WDR70: variants seen among roughly 807,000 people sequenced by gnomAD.
WDR70 encodes the protein WD repeat-containing protein 70.
Under a neutral mutation model 88.6 loss-of-function variants are expected in WDR70, and 53 were observed. The ratio of observed to expected loss-of-function variants is 0.60; its 90% CI spans 0.48 to 0.75. The LOEUF (loss-of-function observed/expected upper bound fraction) is 0.75. WDR70 is among the 30% of genes least tolerant of loss of function. The probability of loss-of-function intolerance (pLI) is 0.00; values close to 1 mark genes in which losing one functional copy is unlikely to be tolerated. For missense variants in WDR70, 610 were observed against 823.2 expected (o/e 0.74, Z 3.17); for synonymous variants, 280 against 270.0 (o/e 1.04, Z -0.36).
intron 9 of WDR70, among the ~76,000 whole-genome samples, chr5:37,537,915 G>A (rs1741710846): frequency 6.6e-6 from 1 of 152,156 alleles, no homozygotes; most frequent in Non-Finnish European, 1.5e-5. Context: ...ATACTGTAAA[G>A]TTTTGGATTA....
In WDR70 at chr5:37,516,725, A is replaced by ATTT. The variant is rs71904509; in HGVS notation, c.917+147_917+149dup. On this transcript the variant is annotated intron_variant, in intron 9 of 17. Transcript: ENST00000265107. ...TCTTATTATATACATATATATATATATTTTTTTTTTTTTTAAGGGGGAGTC... is the reference window on the plus strand; with the variant it reads ...TCTTATTATATACATATATATATATATTTTTTTTTTTTTTTTTAAGGGGGAGTC... The ATTT allele has an allele frequency of 6.1e-3, 786 of 127,984 alleles. 5 individuals carry two copies. The highest frequency in any genetic ancestry group is 0.017 in the South Asian group (62 of 3,728). The allele number at this position is 127,984 out of a possible 1,614,324, so 7.9% of individuals were successfully genotyped here.
At chr5:37,609,620 A>T (rs1038957102) in intron 10 of WDR70, among the ~76,000 whole-genome samples, 1 of 152,228 alleles carries the variant, frequency 6.6e-6, no homozygotes, top group Admixed American at 6.5e-5. Context: ...CACCACTAGC[A>T]ACTTGACCCC....
intron 10 of WDR70, among the ~76,000 whole-genome samples, chr5:37,677,675 T>C (rs1746276749): frequency 7.8e-6 from 1 of 128,752 alleles, no homozygotes; most frequent in South Asian, 2.7e-4. Flanking sequence ...AATTTTGGAA[T>C]AGGTGTGGGG....
chr5:37,384,071 G>A (rs563032261), intron 3 of WDR70, among the ~76,000 whole-genome samples: 2 of 151,528 alleles, frequency 1.3e-5, no homozygotes, highest in Non-Finnish European at 2.9e-5. Flanking sequence ...ACCTTAAAAC[G>A]ATAAGGATTG....
At chr5:37,611,278 AT>A (rs932359140) in intron 10 of WDR70, among the ~76,000 whole-genome samples, 200 of 148,576 alleles carry the variant, frequency 1.3e-3, no homozygotes, top group African/African-American at 3.8e-3. Context: ...TTCTGTAGTG[AT>A]TTTTTTTTTA....
At chr5:37,587,816 A>G (rs61515510) in intron 9 of WDR70, among the ~76,000 whole-genome samples, 1,486 of 137,274 alleles carry the variant, frequency 0.011, 30 homozygotes, top group African/African-American at 0.039. Context: ...GTCTCACTCT[A>G]TCGCCCAGGC....
chr5:37,605,445 A>C (rs1251355802), intron 10 of WDR70, among the ~76,000 whole-genome samples: 1 of 152,200 alleles, frequency 6.6e-6, no homozygotes, highest in African/African-American at 2.4e-5. Flanking sequence ...ATTTTTCAGT[A>C]CATATTATAT....
intron 8 of WDR70, among the ~76,000 whole-genome samples, chr5:37,486,975 C>T (rs945590168): frequency 2.0e-5 from 3 of 151,998 alleles, no homozygotes; most frequent in African/African-American, 4.8e-5. Flanking sequence ...GAAAGGAATC[C>T]GATTGGTTCT....
intron 9 of WDR70, among the ~76,000 whole-genome samples, chr5:37,573,042 CT>C (rs1160740002): frequency 6.6e-6 from 1 of 152,170 alleles, no homozygotes; most frequent in Non-Finnish European, 1.5e-5. Context: ...TTCTGACAAA[CT>C]TTACTCCCTC....
At chr5:37,467,728 TA>T (rs1326764214) in intron 7 of WDR70, among the ~76,000 whole-genome samples, 11 of 150,492 alleles carry the variant, frequency 7.3e-5, no homozygotes, top group Admixed American at 2.7e-4. Context: ...TATTTTATTT[TA>T]TTTTTTTTAG....
chr5:37,533,942 G>A (rs950053030), intron 9 of WDR70, among the ~76,000 whole-genome samples: 6 of 152,160 alleles, frequency 3.9e-5, no homozygotes, highest in Non-Finnish European at 8.8e-5. Context: ...GAACCTCCCT[G>A]TTGAGAAAGC....
intron 10 of WDR70, among the ~76,000 whole-genome samples, chr5:37,651,356 A>G (rs997693519): frequency 2.5e-4 from 38 of 152,230 alleles, no homozygotes; most frequent in African/African-American, 7.7e-4. Context: ...TCTTTATCCA[A>G]TCTATCATTG....
At chr5:37,604,340 T>C (rs1024144901) in intron 9 of WDR70, among the ~76,000 whole-genome samples, 9 of 152,238 alleles carry the variant, frequency 5.9e-5, no homozygotes, top group African/African-American at 2.2e-4. Flanking sequence ...CCATAGTGGT[T>C]AGGCTTCCAT....
In WDR70 at chr5:37,697,731, G is replaced by C; in HGVS notation, c.1169G>C (p.Gly390Ala). The C allele has an allele frequency of 6.2e-7, 1 of 1,613,652 alleles. No homozygotes were observed. The highest frequency in any genetic ancestry group is 8.5e-7 in the Non-Finnish European group (1 of 1,179,670). ...DTSCVTFSYD[G>A]NVLASRGGDD... ...TCTTGCGTGACTTTTTCCTATGATG[G>C]TAATGTCCTTGCCTCTCGTGGAGGT... Residue 390 changes from glycine (G) to alanine (A), a missense_variant, in exon 11 of 18, where the codon GGT (glycine) becomes GCT (alanine). By Grantham distance (60) the Gly-to-Ala change is moderately conservative (BLOSUM62 0). Coordinates refer to ENST00000265107, the MANE Select transcript of WDR70 (RefSeq NM_018034.4).
intron 12 of WDR70, among the ~76,000 whole-genome samples, chr5:37,702,693 C>T (rs1384675613): frequency 6.6e-6 from 1 of 151,924 alleles, no homozygotes; most frequent in Non-Finnish European, 1.5e-5. Context: ...AGTTTGAATC[C>T]CAGCTGTGCT....
At chr5:37,652,346 G>T (rs1379684254) in intron 10 of WDR70, among the ~76,000 whole-genome samples, 1 of 152,232 alleles carries the variant, frequency 6.6e-6, no homozygotes, top group Non-Finnish European at 1.5e-5. Flanking sequence ...CTGTAGTCTT[G>T]TAGTGTAGTT....
At chr5:37,543,573 A>G (rs1741898014) in intron 9 of WDR70, among the ~76,000 whole-genome samples, 1 of 152,144 alleles carries the variant, frequency 6.6e-6, no homozygotes, top group South Asian at 2.1e-4. Flanking sequence ...TGTTTGTTGA[A>G]AAGGACATAT....
At chr5:37,568,764 C>T (rs1438343107) in intron 9 of WDR70, among the ~76,000 whole-genome samples, 1 of 152,162 alleles carries the variant, frequency 6.6e-6, no homozygotes, top group East Asian at 1.9e-4. Flanking sequence ...TTGATTATTT[C>T]CCTCCTGTAT....
intron 9 of WDR70, among the ~76,000 whole-genome samples, chr5:37,521,459 C>T (rs1292875657): frequency 2.0e-5 from 3 of 152,092 alleles, no homozygotes; most frequent in Non-Finnish European, 2.9e-5. Flanking sequence ...TTACACTGTA[C>T]CCAATGGGTA....
Sources: gnomAD v4.1 joint callset for allele counts (sites outside exome capture counted in the v4.1 genomes callset) on GRCh38, gnomAD v4.1.1 for gene constraint, MANE v1.5 for transcripts, NCBI Gene and HGNC (gene_info 2026-07-23, HGNC 2026-07-21) for gene names.